The following PIK3C2G variants were observed in gnomAD, a reference collection of about 807,000 sequenced individuals.
The protein encoded by PIK3C2G is phosphatidylinositol 3-kinase C2 domain-containing subunit gamma.
Under a neutral mutation model 181.1 loss-of-function variants are expected in PIK3C2G, and 168 were observed. The ratio of observed to expected loss-of-function variants is 0.93; its 90% CI spans 0.82 to 1.05. The LOEUF is 1.05. Among genes scored for constraint, PIK3C2G ranks in the 50% least tolerant of loss-of-function variants. PIK3C2G has a pLI of 0.00. For missense variants in PIK3C2G, 1,869 were observed against 1,732.8 expected (o/e 1.08, Z -1.40); for synonymous variants, 573 against 592.2 (o/e 0.97, Z 0.47).
chr12:18,390,834 T>C (rs1943488357), intron 14 of PIK3C2G, among the ~76,000 whole-genome samples: 1 of 152,152 alleles, frequency 6.6e-6, no homozygotes. Flanking sequence ...CATATTAATC[T>C]TTATGGAGAG....
At chr12:18,580,982 T>A (rs1946470022) in intron 29 of PIK3C2G, among the ~76,000 whole-genome samples, 2 of 152,168 alleles carry the variant, frequency 1.3e-5, no homozygotes, top group Admixed American at 1.3e-4. Flanking sequence ...AAAAAATTGA[T>A]CTTGCTGTTA....
At chr12:18,668,390 T>C in the PIK3C2G span, among the ~76,000 whole-genome samples, 1 of 152,084 alleles carries the variant, frequency 6.6e-6, no homozygotes, top group Non-Finnish European at 1.5e-5. Flanking sequence ...TAAGGGAAAA[T>C]TTGTAAAAGG....
At chr12:18,297,905 T>C (rs1295375752) in intron 5 of PIK3C2G, among the ~76,000 whole-genome samples, 1 of 152,044 alleles carries the variant, frequency 6.6e-6, no homozygotes. Flanking sequence ...GTATACCACA[T>C]TTTCTTTCTT....
At chr12:18,324,015 TC>T (rs963218417) in intron 7 of PIK3C2G, among the ~76,000 whole-genome samples, 33 of 151,924 alleles carry the variant, frequency 2.2e-4, no homozygotes, top group African/African-American at 7.7e-4. Flanking sequence ...GGTCAGGAGA[TC>T]GAGACCATCC....
chr12:18,594,084 A>G (rs1947226433), intron 29 of PIK3C2G, among the ~76,000 whole-genome samples: 1 of 151,920 alleles, frequency 6.6e-6, no homozygotes, highest in East Asian at 2.0e-4. Context: ...AACCTTGAGT[A>G]GTAGTGGTTA....
At chr12:18,416,145 T>C (rs1418372009) in intron 16 of PIK3C2G, among the ~76,000 whole-genome samples, 1 of 152,032 alleles carries the variant, frequency 6.6e-6, no homozygotes, top group Non-Finnish European at 1.5e-5. Flanking sequence ...CTCAGGAGGC[T>C]GAGGCAGGAG....
chr12:18,454,161 G>T (rs963203828), intron 18 of PIK3C2G, among the ~76,000 whole-genome samples: 1 of 151,986 alleles, frequency 6.6e-6, no homozygotes, highest in African/African-American at 2.4e-5. Flanking sequence ...CCCATGCATT[G>T]GAGATACAAC....
At chr12:18,637,703 G>A (rs889514680) in intron 31 of PIK3C2G, among the ~76,000 whole-genome samples, 1 of 152,166 alleles carries the variant, frequency 6.6e-6, no homozygotes, top group Non-Finnish European at 1.5e-5. Context: ...TGATCACAGA[G>A]CTTTTCAAGG....
the PIK3C2G span, among the ~76,000 whole-genome samples, chr12:18,670,124 C>T: frequency 1.3e-5 from 2 of 152,080 alleles, no homozygotes; most frequent in Non-Finnish European, 2.9e-5. Flanking sequence ...TTGGAGAGGA[C>T]ATAAACATTC....
At chr12:18,326,236 G>GC (rs1951341606) in intron 8 of PIK3C2G, among the ~76,000 whole-genome samples, 1 of 152,082 alleles carries the variant, frequency 6.6e-6, no homozygotes, top group East Asian at 1.9e-4. Flanking sequence ...CACCTATTGG[G>GC]CACTGAAGTT....
chr12:18,408,309 A>G (rs1944655209), intron 16 of PIK3C2G, among the ~76,000 whole-genome samples: 1 of 152,194 alleles, frequency 6.6e-6, no homozygotes, highest in Non-Finnish European at 1.5e-5. Context: ...AACACCATTT[A>G]TTAAATAGGG....
intron 24 of PIK3C2G, among the ~76,000 whole-genome samples, chr12:18,508,634 C>T (rs1030711487): frequency 2.0e-5 from 3 of 152,108 alleles, no homozygotes; most frequent in Non-Finnish European, 2.9e-5. Flanking sequence ...TGTATTAACC[C>T]ACTTATGCTG....
At chr12:18,500,789 A>G (rs534693166) in intron 22 of PIK3C2G, among the ~76,000 whole-genome samples, 7 of 152,220 alleles carry the variant, frequency 4.6e-5, no homozygotes, top group Admixed American at 1.3e-4. Context: ...CCCCTTCCAC[A>G]CTGTGGAAGC....
At chr12:18,500,790 C>T (rs1349904413) in intron 22 of PIK3C2G, among the ~76,000 whole-genome samples, 1 of 152,176 alleles carries the variant, frequency 6.6e-6, no homozygotes, top group Non-Finnish European at 1.5e-5. Context: ...CCCTTCCACA[C>T]TGTGGAAGCT....
At chr12:18,665,898 G>T in the PIK3C2G span, among the ~76,000 whole-genome samples, 1 of 148,534 alleles carries the variant, frequency 6.7e-6, no homozygotes, top group Non-Finnish European at 1.5e-5. Context: ...TCGCGCCATT[G>T]TACTCCAGCC....
rs757767983 is a variant in PIK3C2G, at chr12:18,321,038, A to T, written c.1208+6A>T. On this transcript the variant is annotated splice_donor_region_variant and intron_variant, in intron 7 of 32. Transcript: ENST00000538779. ...CATATTTGGAAAGTATCCAGGTAAG[A>T]TATTTTATATTTGTTCCAAGACTAC... The T allele has an allele frequency of 9.4e-6, 13 of 1,375,994 alleles. No individual in the cohort carries two copies. The highest frequency in any genetic ancestry group is 1.5e-5 in the African/African-American group (1 of 68,642). 85.2% of individuals were successfully genotyped at this position (1,375,994 alleles called of 1,614,324 possible). A position where few individuals can be genotyped will look rare whatever the true frequency, so the allele number is the denominator to read the frequency against.
rs764993761 is a variant in PIK3C2G, at chr12:18,282,360, C to T, written c.279C>T (p.Ser93=). 1 of 1,613,552 alleles carries T rather than the reference C, an allele frequency of 6.2e-7. No individual in the cohort carries two copies. The highest frequency in any genetic ancestry group is 1.1e-5 in the South Asian group (1 of 91,074). Residue 93 remains serine (S), a synonymous_variant, in exon 2 of 33, where the codon AGC becomes AGT. Transcript: ENST00000538779. ...CCTTGAATGAATTCACTTCTAAAAG[C>T]CGTGAACTCTCCTGGCATCAAGTTA... ...QISLNEFTSK[S]RELSWHQVSK... is the part of the protein sequence containing the mutation.
At chr12:18,409,000 A>C (rs1228621837) in intron 16 of PIK3C2G, among the ~76,000 whole-genome samples, 2 of 152,168 alleles carry the variant, frequency 1.3e-5, no homozygotes, top group African/African-American at 4.8e-5. Flanking sequence ...CAATTCCTCA[A>C]GGATCTAGAA....
At chr12:18,597,381 TGAAAATAA>T (rs1465686092) in intron 30 of PIK3C2G, among the ~76,000 whole-genome samples, 1 of 151,992 alleles carries the variant, frequency 6.6e-6, no homozygotes, top group African/African-American at 2.4e-5. Context: ...CACAAATACA[TGAAAATAA>T]AAGCAAATTA....
Sources: gnomAD v4.1 joint callset for allele counts (sites outside exome capture counted in the v4.1 genomes callset) on GRCh38, gnomAD v4.1.1 for gene constraint, MANE v1.5 for transcripts, NCBI Gene and HGNC (gene_info 2026-07-23, HGNC 2026-07-21) for gene names.